The following ATP9B variants were observed in gnomAD, a reference collection of about 807,000 sequenced individuals.
ATP9B encodes the protein probable phospholipid-transporting ATPase IIB.
A neutral mutation model predicts 146.1 loss-of-function variants in ATP9B; 110 were observed. The ratio of observed to expected loss-of-function variants is 0.75; its 90% CI spans 0.65 to 0.88. ATP9B has a LOEUF of 0.88. Among genes scored for constraint, ATP9B ranks in the 40% least tolerant of loss-of-function variants. The pLI is 0.00. For synonymous variants in ATP9B, 604 were observed against 569.7 expected, an observed-to-expected ratio of 1.06 and a Z score of -0.86; for missense variants, 1,499 against 1,496.4, an observed-to-expected ratio of 1.00 and a Z score of -0.03.
At chr18:79,355,003 G>A (rs1485001117) in intron 25 of ATP9B, among the ~76,000 whole-genome samples, 3 of 152,198 alleles carry the variant, frequency 2.0e-5, no homozygotes, top group East Asian at 1.9e-4. Context: ...GCCACTTCAC[G>A]AGATGCAGCG....
rs1423639133 is a variant in ATP9B, at chr18:79,259,437, G to T, written c.1268+5896G>T. On this transcript the variant is annotated intron_variant, in intron 12 of 29. Coordinates refer to ENST00000426216, the MANE Select transcript of ATP9B (RefSeq NM_198531.5). ...TCAGAGTGTTTTTACTCCCACATGA[G>T]GCATATGTGGGTGCTAGAGGCAGAA... Among the ~76,000 whole-genome samples, 5 of 152,310 alleles carry T rather than the reference G, an allele frequency of 3.3e-5. No individual in the cohort carries two copies. The East Asian group carries it at 7.7e-4, about 23-fold the overall frequency.
Position 79,172,029 on chromosome 18 carries a change from C to T in ATP9B, c.779-4784C>T, listed in dbSNP as rs148240727. 1.3e-3 allele frequency among the ~76,000 whole-genome samples: 202 copies of T among 152,296 alleles called. 1 individual carries two copies. Among genetic ancestry groups the T allele is most frequent in the African/African-American group, 4.6e-3 (192 of 41,570 alleles). On this transcript the variant is annotated intron_variant, in intron 7 of 29. Transcript: ENST00000426216. ...TCAGCCTCCTGAGTAGCTGGGATTACAGGCACACACCACCATACCCGGCTA... is the reference window on the plus strand; with the variant it reads ...TCAGCCTCCTGAGTAGCTGGGATTATAGGCACACACCACCATACCCGGCTA...
chr18:79,134,669 A>G (rs572865110), intron 5 of ATP9B, among the ~76,000 whole-genome samples: 89 of 151,870 alleles, frequency 5.9e-4, no homozygotes, highest in Non-Finnish European at 2.5e-4. Flanking sequence ...TTCATTGTTC[A>G]TTTGTGATCT....
chr18:79,192,674 A>C (rs191857172), intron 8 of ATP9B, among the ~76,000 whole-genome samples: 344 of 152,348 alleles, frequency 2.3e-3, no homozygotes, highest in African/African-American at 8.0e-3. Flanking sequence ...TGTCATGAGC[A>C]TGTGATTCAG....
At chr18:79,174,308 T>G in intron 7 of ATP9B, 1 of 198,862 alleles carries the variant, frequency 5.0e-6, no homozygotes, top group Non-Finnish European at 1.1e-5. Context: ...CCAGTCTTGC[T>G]TCATCCGTAT....
Position 79,093,522 on chromosome 18 carries a change from A to G in ATP9B, c.120-2954A>G, listed in dbSNP as rs561641242. Among the ~76,000 whole-genome samples the G allele has an allele frequency of 5.9e-5, 9 of 152,300 alleles. No individual in the cohort carries two copies. In the East Asian group the frequency reaches 1.3e-3, roughly 23 times the overall value. On this transcript the variant is annotated intron_variant, in intron 1 of 29. Transcript: ENST00000426216. ...GTTTGATTATGATGTATCTTTATGT[A>G]GGTATCTTTGACTTCATCCTGTTTT...
chr18:79,377,193 G>C, intron 29 of ATP9B, 54 bp from the exon 30 acceptor site: 1 of 1,601,630 alleles, frequency 6.2e-7, no homozygotes, highest in Non-Finnish European at 8.5e-7. Flanking sequence ...GTGGCCATGA[G>C]GGCCCAGGAC....
chr18:79,174,426 A>G lies in ATP9B; in HGVS notation c.779-2387A>G, dbSNP rs528102933. 8.5e-4 allele frequency among the ~76,000 whole-genome samples: 130 copies of G among 152,296 alleles called. 1 individual carries two copies. The highest frequency in any genetic ancestry group is 3.5e-3 in the South Asian group (17 of 4,824). On this transcript the variant is annotated intron_variant, in intron 7 of 29. Transcript: ENST00000426216. ...TCATACCATAAACTATTGAACAGGG[A>G]TTTCTTAGATTAACGCTTGGTGAGT...
At chr18:79,091,281 A>G (rs2074295657) in intron 1 of ATP9B, among the ~76,000 whole-genome samples, 1 of 152,130 alleles carries the variant, frequency 6.6e-6, no homozygotes, top group Admixed American at 6.5e-5. Context: ...TTGTAGTTTC[A>G]TATAAATTTT....
intron 4 of ATP9B, among the ~76,000 whole-genome samples, chr18:79,123,123 G>A (rs1374220905): frequency 6.6e-6 from 1 of 151,950 alleles, no homozygotes; most frequent in Non-Finnish European, 1.5e-5. Context: ...AAAGAAAGAG[G>A]ACTGTCTATC....
At chr18:79,069,631 G>C (rs947465897) in intron 1 of ATP9B, 102 bp downstream of exon 1, 2 of 707,678 alleles carry the variant, frequency 2.8e-6, no homozygotes, top group Admixed American at 8.8e-5. Flanking sequence ...CGCTACCGGC[G>C]CGCCCCATCT....
rs561989758 is a variant in ATP9B at position 79,260,279 on chromosome 18, T to C, written c.1268+6738T>C. Among the ~76,000 whole-genome samples the C allele has an allele frequency of 2.6e-5, 4 of 152,226 alleles. 1 individual carries two copies. The South Asian group carries it at 8.3e-4, about 32-fold the overall frequency. ...AAGGCAGCAGGAGAAAGTGTGAGCA[T>C]GTGAAGGAGGAACCATCCCACACTC... is the stretch of plus-strand genomic sequence containing the variant. On this transcript the variant is annotated intron_variant, in intron 12 of 29. Coordinates refer to ENST00000426216, the MANE Select transcript of ATP9B (RefSeq NM_198531.5).
intron 10 of ATP9B, among the ~76,000 whole-genome samples, chr18:79,213,665 G>C (rs1464373749): frequency 6.6e-6 from 1 of 152,122 alleles, no homozygotes; most frequent in African/African-American, 2.4e-5. Flanking sequence ...TTAGTAGACA[G>C]TAGTGAAAGG....
intron 15 of ATP9B, among the ~76,000 whole-genome samples, chr18:79,328,604 GCTTTCTC>G (rs2096773959): frequency 1.3e-5 from 2 of 152,162 alleles, no homozygotes; most frequent in Admixed American, 1.3e-4. Flanking sequence ...ACCCAGGCCT[GCTTTCTC>G]CTTGTCTATC....
chr18:79,376,292 A>G, intron 29 of ATP9B: 3 of 985,204 alleles, frequency 3.0e-6, no homozygotes, highest in Non-Finnish European at 3.6e-6. Flanking sequence ...TCTCTTCCCT[A>G]AGCACCACAA....
chr18:79,303,244 C>T (rs2096603075), intron 13 of ATP9B, among the ~76,000 whole-genome samples: 1 of 152,070 alleles, frequency 6.6e-6, no homozygotes, highest in African/African-American at 2.4e-5. Context: ...CGCCTGTAGT[C>T]CCAGCTATTC....
chr18:79,370,377 T>A (rs949189492), intron 26 of ATP9B, among the ~76,000 whole-genome samples: 6 of 152,266 alleles, frequency 3.9e-5, no homozygotes, highest in South Asian at 2.1e-4. Flanking sequence ...AAGAAAGGCG[T>A]GTGCTAGGCA....
At chr18:79,205,656 T>A (rs906678471) in intron 9 of ATP9B, among the ~76,000 whole-genome samples, 1 of 152,212 alleles carries the variant, frequency 6.6e-6, no homozygotes, top group African/African-American at 2.4e-5. Context: ...TTCCCTGTGT[T>A]ACTTCTAGAT....
intron 1 of ATP9B, among the ~76,000 whole-genome samples, chr18:79,083,721 G>A (rs1461865245): frequency 6.6e-6 from 1 of 152,144 alleles, no homozygotes; most frequent in Non-Finnish European, 1.5e-5. Context: ...GCTTCAGCTT[G>A]CCCTCCTTGG....
Sources: gnomAD v4.1 joint callset for allele counts (sites outside exome capture counted in the v4.1 genomes callset) on GRCh38, gnomAD v4.1.1 for gene constraint, MANE v1.5 for transcripts, NCBI Gene and HGNC (gene_info 2026-07-23, HGNC 2026-07-21) for gene names.